The following PDGFRL variants were observed in gnomAD, a reference collection of about 807,000 sequenced individuals.
The protein encoded by PDGFRL is platelet-derived growth factor receptor-like protein.
PDGFRL carries 46 observed loss-of-function variants against 37.2 expected under a neutral mutation model. The observed-to-expected ratio is 1.24, with a 90% CI of 0.98 to 1.58. The LOEUF (loss-of-function observed/expected upper bound fraction) is 1.58, where lower values mean the gene tolerates loss of function less well. Among genes scored for constraint, PDGFRL ranks in the 40% most tolerant of loss-of-function variants. The pLI, the probability that PDGFRL is intolerant of heterozygous loss-of-function variation, is 0.00. For synonymous variants in PDGFRL, 251 were observed against 184.3 expected (o/e 1.36, Z -2.93); for missense variants, 692 against 467.6 (o/e 1.48, Z -4.43).
At chr8:17,609,129 G>C (rs1191955414) in intron 2 of PDGFRL, among the ~76,000 whole-genome samples, 1 of 152,168 alleles carries the variant, frequency 6.6e-6, no homozygotes, top group Non-Finnish European at 1.5e-5. Context: ...GCTGGGGTGG[G>C]TGGTTGAGGC....
At chr8:17,619,198 C>A (rs896101385) in intron 2 of PDGFRL, among the ~76,000 whole-genome samples, 1 of 152,152 alleles carries the variant, frequency 6.6e-6, no homozygotes, top group African/African-American at 2.4e-5. Flanking sequence ...TTTGGATGTT[C>A]GAGATGAGTC....
intron 1 of PDGFRL, among the ~76,000 whole-genome samples, chr8:17,579,058 C>T (rs939304973): frequency 1.1e-4 from 16 of 152,014 alleles, no homozygotes; most frequent in South Asian, 4.2e-4. Flanking sequence ...ATTAGCCGGG[C>T]GTGGTGGTGG....
chr8:17,615,966 C>T (rs1198306044), intron 2 of PDGFRL, among the ~76,000 whole-genome samples: 1 of 152,132 alleles, frequency 6.6e-6, no homozygotes, highest in Non-Finnish European at 1.5e-5. Context: ...TGTTCTAAGT[C>T]CTGAACTTGT....
At chr8:17,638,184 C>T (rs1317075371) in intron 5 of PDGFRL, among the ~76,000 whole-genome samples, 1 of 152,142 alleles carries the variant, frequency 6.6e-6, no homozygotes, top group Non-Finnish European at 1.5e-5. Flanking sequence ...TCATTTAATG[C>T]TATGAACTTT....
intron 3 of PDGFRL, among the ~76,000 whole-genome samples, chr8:17,625,866 G>A (rs1298010850): frequency 6.6e-6 from 1 of 151,998 alleles, no homozygotes; most frequent in Non-Finnish European, 1.5e-5. Flanking sequence ...ATGGTGGCAC[G>A]TGCCTGTAGT....
chr8:17,611,458 C>T (rs1271299458), intron 2 of PDGFRL, among the ~76,000 whole-genome samples: 1 of 152,160 alleles, frequency 6.6e-6, no homozygotes, highest in Admixed American at 6.5e-5. Context: ...CTTAACCGCC[C>T]TTTTACAAAG....
In PDGFRL at chr8:17,634,162, G is replaced by A; in HGVS notation, c.888G>A (p.Leu296=). 3.1e-6 allele frequency: 5 copies of A among 1,613,210 alleles called. No homozygotes were observed. Among genetic ancestry groups the A allele is most frequent in the Non-Finnish European group, 4.2e-6 (5 of 1,179,170 alleles). The part of the protein sequence containing the change: ...GDDISVLCTV[L]GEPDVEVEFT... ...ACATCAGTGTGCTCTGCACTGTCCT[G>A]GGGGAGCCCGATGTGGAGGTGGAGT... Residue 296 remains leucine (L), a synonymous_variant, in exon 5 of 6, where the codon CTG becomes CTA. Coordinates refer to ENST00000251630, the MANE Select transcript of PDGFRL (RefSeq NM_001372073.1).
chr8:17,628,942 G>T (rs916388981), intron 4 of PDGFRL, among the ~76,000 whole-genome samples, 162 bp downstream of exon 4: 3 of 151,766 alleles, frequency 2.0e-5, no homozygotes, highest in African/African-American at 7.3e-5. Context: ...CTTGAGACAG[G>T]GTCCCGTTTT....
At chr8:17,621,315 GT>G (rs772234017) in intron 3 of PDGFRL, 113 bp downstream of exon 3, 126 of 643,616 alleles carry the variant, frequency 2.0e-4, no homozygotes, top group Non-Finnish European at 3.1e-4. Flanking sequence ...AGCACTTCCT[GT>G]TTGCCAGGCT....
intron 2 of PDGFRL, among the ~76,000 whole-genome samples, chr8:17,590,674 C>T (rs1305563532): frequency 4.6e-5 from 7 of 151,630 alleles, no homozygotes; most frequent in African/African-American, 9.7e-5. Flanking sequence ...TTCGTACCAC[C>T]GCACTCCAGC....
chr8:17,615,659 T>C (rs1804508285), intron 2 of PDGFRL, among the ~76,000 whole-genome samples: 1 of 152,180 alleles, frequency 6.6e-6, no homozygotes, highest in African/African-American at 2.4e-5. Context: ...CTCATGCCTG[T>C]AATCCCAGCA....
At chr8:17,635,350 T>C (rs1804951193) in intron 5 of PDGFRL, among the ~76,000 whole-genome samples, 1 of 151,876 alleles carries the variant, frequency 6.6e-6, no homozygotes, top group Non-Finnish European at 1.5e-5. Context: ...TGCATCCTCA[T>C]AGCTTAGCTC....
chr8:17,588,350 T>C (rs1054049334), intron 1 of PDGFRL, among the ~76,000 whole-genome samples: 2 of 152,172 alleles, frequency 1.3e-5, no homozygotes, highest in Non-Finnish European at 2.9e-5. Context: ...TAATGTCTGC[T>C]TTACCATTTG....
At chr8:17,606,070 G>C (rs1045854768) in intron 2 of PDGFRL, among the ~76,000 whole-genome samples, 15 of 152,116 alleles carry the variant, frequency 9.9e-5, no homozygotes, top group African/African-American at 3.6e-4. Flanking sequence ...TAAAAGAAAA[G>C]GAGAAATATC....
chr8:17,603,309 G>C (rs1804205184), intron 2 of PDGFRL, among the ~76,000 whole-genome samples: 1 of 152,174 alleles, frequency 6.6e-6, no homozygotes, highest in Non-Finnish European at 1.5e-5. Context: ...TTTTTAAAAA[G>C]GGAGCAGACA....
chr8:17,641,441 C>T, intron 5 of PDGFRL, among the ~76,000 whole-genome samples: 1 of 152,174 alleles, frequency 6.6e-6, no homozygotes, highest in Non-Finnish European at 1.5e-5. Context: ...TCCTTGGGGA[C>T]TGAGAGAGCC....
chr8:17,608,538 C>A (rs554465159), intron 2 of PDGFRL, among the ~76,000 whole-genome samples: 1 of 152,264 alleles, frequency 6.6e-6, no homozygotes, highest in African/African-American at 2.4e-5. Context: ...CATACAAGAG[C>A]CGGAGGGGTG....
intron 1 of PDGFRL, among the ~76,000 whole-genome samples, chr8:17,587,001 T>G (rs1350560502): frequency 6.6e-6 from 1 of 152,230 alleles, no homozygotes; most frequent in Non-Finnish European, 1.5e-5. Context: ...TTTTTAAGTC[T>G]TTGAAAAATA....
At chr8:17,639,359 G>A (rs926064028) in intron 5 of PDGFRL, among the ~76,000 whole-genome samples, 1 of 151,924 alleles carries the variant, frequency 6.6e-6, no homozygotes, top group African/African-American at 2.4e-5. Context: ...TTGTGTTTTT[G>A]TTTTATAGGT....
Sources: gnomAD v4.1 joint callset for allele counts (sites outside exome capture counted in the v4.1 genomes callset) on GRCh38, gnomAD v4.1.1 for gene constraint, MANE v1.5 for transcripts, NCBI Gene and HGNC (gene_info 2026-07-23, HGNC 2026-07-21) for gene names.